The following NCALD variants were observed in gnomAD, a reference collection of about 807,000 sequenced individuals.
NCALD encodes the protein neurocalcin-delta.
Under a neutral mutation model 18.6 loss-of-function variants are expected in NCALD, and 10 were observed. The ratio of observed to expected loss-of-function variants is 0.54; its 90% CI spans 0.33 to 0.91. NCALD has a LOEUF of 0.91. Among genes scored for constraint, NCALD ranks in the 40% least tolerant of loss-of-function variants. The probability of loss-of-function intolerance (pLI) is 0.03; values close to 1 mark genes in which losing one functional copy is unlikely to be tolerated. For synonymous variants in NCALD, 88 were observed against 87.4 expected (o/e 1.01, Z -0.04); for missense variants, 184 against 247.6 (o/e 0.74, Z 1.72).
chr8:101,886,722 A>T (rs571550485), intron 4 of NCALD, among the ~76,000 whole-genome samples: 18 of 152,268 alleles, frequency 1.2e-4, no homozygotes, highest in African/African-American at 4.3e-4. Context: ...CATCCCCTCT[A>T]CTTGCTGCAT....
chr8:101,967,242 G>A (rs1820064668), intron 2 of NCALD, among the ~76,000 whole-genome samples: 1 of 152,200 alleles, frequency 6.6e-6, no homozygotes, highest in Admixed American at 6.5e-5. Flanking sequence ...AACCACAACG[G>A]AAGTTGCCAA....
At chr8:102,026,881 A>C (rs943110529) in intron 1 of NCALD, among the ~76,000 whole-genome samples, 1 of 152,144 alleles carries the variant, frequency 6.6e-6, no homozygotes, top group African/African-American at 2.4e-5. Context: ...CCAAACCACA[A>C]TTCTTGACTT....
At chr8:102,058,848 C>A (rs112590930) in intron 1 of NCALD, among the ~76,000 whole-genome samples, 26 of 152,264 alleles carry the variant, frequency 1.7e-4, no homozygotes, top group African/African-American at 6.0e-4. Flanking sequence ...GTGGTCCAAC[C>A]TAATCACATG....
At chr8:102,082,022 G>A (rs574806108) in intron 1 of NCALD, among the ~76,000 whole-genome samples, 4 of 152,004 alleles carry the variant, frequency 2.6e-5, no homozygotes, top group Admixed American at 6.6e-5. Context: ...ACTAAATTTG[G>A]TTTCATAGCC....
chr8:101,708,249 A>T (rs1815623354), intron 2 of NCALD, among the ~76,000 whole-genome samples: 1 of 152,220 alleles, frequency 6.6e-6, no homozygotes, highest in Non-Finnish European at 1.5e-5. Flanking sequence ...ATCATAGCTC[A>T]GAAGTTTTAG....
intron 4 of NCALD, among the ~76,000 whole-genome samples, chr8:101,832,479 C>A (rs774249521): frequency 6.6e-6 from 1 of 152,162 alleles, no homozygotes; most frequent in Non-Finnish European, 1.5e-5. Flanking sequence ...GTTGGACAAT[C>A]AAAAATGATT....
exon 3 of NCALD, chr8:101,915,846 A>T (rs1258247344): frequency 6.6e-6 from 1 of 152,192 alleles, no homozygotes; most frequent in African/African-American, 2.4e-5. Flanking sequence ...CAGGAGACCA[A>T]AGTTGAGATA....
intron 1 of NCALD, among the ~76,000 whole-genome samples, chr8:102,115,580 C>T (rs1825758754): frequency 1.3e-5 from 2 of 152,214 alleles, no homozygotes; most frequent in East Asian, 1.9e-4. Flanking sequence ...TACTCTTTAC[C>T]TTGCCTTATG....
At chr8:101,968,009 C>A (rs1820096217) in intron 2 of NCALD, among the ~76,000 whole-genome samples, 1 of 152,130 alleles carries the variant, frequency 6.6e-6, no homozygotes, top group South Asian at 2.1e-4. Context: ...AAGTCAGAGC[C>A]TCAAAGAGAA....
At chr8:101,929,523 A>G (rs1586772287) in intron 2 of NCALD, among the ~76,000 whole-genome samples, 1 of 22,482 alleles carries the variant, frequency 4.4e-5, no homozygotes, top group African/African-American at 2.0e-4. Flanking sequence ...GGGAGGGGGG[A>G]GGGAGGGAGG....
At chr8:101,747,747 C>T in intron 1 of NCALD, among the ~76,000 whole-genome samples, 2 of 146,440 alleles carry the variant, frequency 1.4e-5, no homozygotes, top group African/African-American at 2.5e-5. Flanking sequence ...GATGGAGTTT[C>T]ACTCTTGTTG....
chr8:101,879,231 G>A (rs1029360262), intron 4 of NCALD, among the ~76,000 whole-genome samples: 5 of 152,178 alleles, frequency 3.3e-5, no homozygotes, highest in African/African-American at 1.2e-4. Context: ...TAAGGCCGTG[G>A]ACCCTCATGG....
chr8:101,917,218 A>T (rs1818001007), intron 2 of NCALD, among the ~76,000 whole-genome samples: 1 of 152,162 alleles, frequency 6.6e-6, no homozygotes, highest in Non-Finnish European at 1.5e-5. Context: ...ATTACATGAA[A>T]ATTTAACAAC....
At chr8:101,945,366 A>T (rs967288068) in intron 2 of NCALD, among the ~76,000 whole-genome samples, 1 of 152,224 alleles carries the variant, frequency 6.6e-6, no homozygotes, top group Non-Finnish European at 1.5e-5. Flanking sequence ...GAAGGGGCTA[A>T]AATGCGGAAT....
At position 101,788,576 on chromosome 8, in the gene NCALD, T is replaced by C. The variant is rs554056794; in HGVS notation, c.-20+2286A>G. 5.9e-5 allele frequency: 9 copies of C among 152,306 alleles called. No homozygotes were observed. In the East Asian group the frequency reaches 1.7e-3, roughly 29 times the overall value. The allele number at this position is 152,306 out of a possible 1,614,324, so 9.4% of individuals were successfully genotyped here. Reference sequence around the variant, plus strand: ...AAGCATGTATCACAATTTTGTAAAATTTAGTTAACGTTTTTCAATGAATGA... The same window carrying C: ...AAGCATGTATCACAATTTTGTAAAACTTAGTTAACGTTTTTCAATGAATGA... On this transcript the variant is annotated intron_variant, in intron 1 of 3. Coordinates refer to ENST00000220931, the MANE Select transcript of NCALD (RefSeq NM_032041.3).
At chr8:101,801,049 AAAAAGG>A (rs1011125827) in intron 4 of NCALD, among the ~76,000 whole-genome samples, 34 of 151,822 alleles carry the variant, frequency 2.2e-4, no homozygotes, top group Admixed American at 4.6e-4. Context: ...AAAGGAAAGG[AAAAAGG>A]AAAAGGAAAA....
intron 1 of NCALD, among the ~76,000 whole-genome samples, chr8:102,121,614 A>G (rs1825946895): frequency 6.6e-6 from 1 of 152,112 alleles, no homozygotes; most frequent in Admixed American, 6.5e-5. Context: ...TCACTGCACA[A>G]CCCTTTCAAA....
chr8:101,895,969 C>T (rs1399331385), intron 3 of NCALD, among the ~76,000 whole-genome samples: 1 of 151,008 alleles, frequency 6.6e-6, no homozygotes, highest in Admixed American at 6.6e-5. Context: ...AGTGCCATCC[C>T]CATCAAGCTA....
intron 1 of NCALD, among the ~76,000 whole-genome samples, chr8:102,082,678 G>A (rs890631012): frequency 2.0e-5 from 3 of 152,082 alleles, no homozygotes; most frequent in African/African-American, 4.8e-5. Context: ...AGAGCATCAG[G>A]AAAGAAATCA....
Sources: gnomAD v4.1 joint callset for allele counts (sites outside exome capture counted in the v4.1 genomes callset) on GRCh38, gnomAD v4.1.1 for gene constraint, MANE v1.5 for transcripts, NCBI Gene and HGNC (gene_info 2026-07-23, HGNC 2026-07-21) for gene names.